RYR1: variants seen among roughly 807,000 people sequenced by gnomAD.
The protein encoded by RYR1 is ryanodine receptor 1, also known as central core disease of muscle.
In RYR1, 342 loss-of-function variants were observed where a neutral mutation model predicts 583.5. The observed-to-expected ratio is 0.59, with a 90% CI of 0.54 to 0.64. The LOEUF (loss-of-function observed/expected upper bound fraction) is 0.64, where lower values mean the gene tolerates loss of function less well. Ranked by LOEUF, RYR1 falls within the 30% of genes least tolerant of loss-of-function variation. The pLI is 0.00. For missense variants in RYR1, 6,032 were observed against 6,917.2 expected (o/e 0.87, Z 4.54); for synonymous variants, 2,791 against 2,822.5 (o/e 0.99, Z 0.35).
Position 38,485,657 on chromosome 19 carries a change from C to G in RYR1, c.5002C>G (p.Leu1668Val). 1 of 1,610,738 alleles carries G rather than the reference C, an allele frequency of 6.2e-7. No individual in the cohort carries two copies. The highest frequency in any genetic ancestry group is 8.5e-7 in the Non-Finnish European group (1 of 1,179,924). ...LQRFHSHTLR[L>V]YRAVCALGNN... Reference sequence around the variant, plus strand: ...GCGCTTCCACTCGCACACCCTGCGCCTCTACCGCGCTGTGTGCGCCCTGGG... The same window carrying G: ...GCGCTTCCACTCGCACACCCTGCGCGTCTACCGCGCTGTGTGCGCCCTGGG... Residue 1668 changes from leucine to valine, a missense_variant, in exon 34 of 106, where the codon CTC (leucine) becomes GTC (valine). Physicochemically the swap from Leu to Val is conservative, Grantham distance 32. Coordinates refer to ENST00000359596, the MANE Select transcript of RYR1 (RefSeq NM_000540.3).
chr19:38,471,030 C>G (rs1209083125), intron 27 of RYR1, among the ~76,000 whole-genome samples: 1 of 152,210 alleles, frequency 6.6e-6, no homozygotes, highest in East Asian at 1.9e-4. Context: ...GGACGAATCT[C>G]AGACATAATG....
Position 38,517,539 on chromosome 19 carries a change from C to A in RYR1, c.9866C>A (p.Pro3289His), listed in dbSNP as rs1971028195. Residue 3289 changes from proline to histidine, a missense_variant, in exon 66 of 106, where the codon CCC becomes CAC. By Grantham distance (77) the Pro-to-His change is moderately conservative. Coordinates refer to ENST00000359596, the MANE Select transcript of RYR1 (RefSeq NM_000540.3). ...CTGCCCCGATGGTGGGAGCGCGGGC[C>A]CGAGGCACCCCCTTCCGCCCTGCCC... The part of the protein sequence containing the change: ...SYLPRWWERG[P>H]EAPPSALPAG... The A allele has an allele frequency of 6.2e-7, 1 of 1,613,746 alleles. No individual in the cohort carries two copies. Among genetic ancestry groups the A allele is most frequent in the Non-Finnish European group, 8.5e-7 (1 of 1,179,880 alleles).
At chr19:38,537,695 G>A (rs1972033687) in intron 83 of RYR1, among the ~76,000 whole-genome samples, 185 bp from the exon 84 acceptor site, 1 of 152,120 alleles carries the variant, frequency 6.6e-6, no homozygotes, top group Non-Finnish European at 1.5e-5. Context: ...TGGGCTCTGA[G>A]GTCAAGACCG....
intron 81 of RYR1, chr19:38,535,685 C>G (rs942678318): frequency 1.7e-6 from 1 of 591,636 alleles, no homozygotes; most frequent in Non-Finnish European, 3.0e-6. Context: ...CTGATGATCC[C>G]AATTAATCTG....
Position 38,500,999 on chromosome 19 carries a change from C to A in RYR1, c.7614+9C>A. The A allele has an allele frequency of 1.9e-6, 3 of 1,612,196 alleles. No homozygotes were observed. The highest frequency in any genetic ancestry group is 2.5e-6 in the Non-Finnish European group (3 of 1,179,546). ...CCGCCTCGCTGGACACGGTGAGCAA[C>A]CCTGCCCAGCCTGGCCACCCTCCCC... On this transcript the variant is annotated intron_variant, in intron 47 of 105. Transcript: ENST00000359596. This position sits in a 1 kb window ranked among gnomAD's most constrained non-coding sequence, Gnocchi z 5.9.
At chr19:38,511,294 T>TA (rs970932482) in intron 60 of RYR1, among the ~76,000 whole-genome samples, 2 of 151,638 alleles carry the variant, frequency 1.3e-5, no homozygotes, top group African/African-American at 4.8e-5. Flanking sequence ...AGACCCTGTC[T>TA]AAAAAAAATA....
At chr19:38,435,195 C>G (rs1262268383) in intron 1 of RYR1, among the ~76,000 whole-genome samples, 1 of 152,208 alleles carries the variant, frequency 6.6e-6, no homozygotes, top group East Asian at 1.9e-4. Flanking sequence ...ATCTTTATCT[C>G]CCTGACAGAT....
At chr19:38,502,770 GGGGCAGGGGCAGGGGCAGGGGCAGGGGC>G in intron 48 of RYR1, 43 bp downstream of exon 48, 2 of 1,032,988 alleles carry the variant, frequency 1.9e-6, no homozygotes, top group Non-Finnish European at 2.7e-6. Context: ...GGCAGGGGCA[GGGGCAGGGGCAGGGGCAGGGGCAGGGGC>G]AGGGGCAGGG....
chr19:38,520,491 T>C (rs1005083815), intron 67 of RYR1, among the ~76,000 whole-genome samples: 83 of 151,652 alleles, frequency 5.5e-4, no homozygotes, highest in Non-Finnish European at 1.2e-4. Flanking sequence ...GGTCAGGTGT[T>C]TGAGACCAGC....
intron 90 of RYR1, among the ~76,000 whole-genome samples, chr19:38,563,210 G>C (rs769507219): frequency 2.0e-5 from 3 of 152,184 alleles, no homozygotes; most frequent in African/African-American, 7.2e-5. Flanking sequence ...AGGCATCCAC[G>C]TATGCCCATG....
intron 93 of RYR1, among the ~76,000 whole-genome samples, chr19:38,569,552 C>CAA (rs148980907): frequency 2.5e-4 from 35 of 140,030 alleles, no homozygotes; most frequent in African/African-American, 6.3e-4. Context: ...GACCTTGACT[C>CAA]AAAAAAAAAA....
At chr19:38,479,600 A>G (rs1463300888) in intron 31 of RYR1, among the ~76,000 whole-genome samples, 1 of 151,930 alleles carries the variant, frequency 6.6e-6, no homozygotes, top group Non-Finnish European at 1.5e-5. Context: ...GTTTGTAGAG[A>G]TGGGTTTTCC....
At chr19:38,509,446 TA>T (rs779914439) in intron 58 of RYR1, among the ~76,000 whole-genome samples, 195 of 128,262 alleles carry the variant, frequency 1.5e-3, no homozygotes, top group Non-Finnish European at 2.2e-3. Context: ...TTATTATTAT[TA>T]TTATTTTTTT....
At chr19:38,545,301 T>C (rs985259341) in intron 87 of RYR1, among the ~76,000 whole-genome samples, 5 of 152,134 alleles carry the variant, frequency 3.3e-5, no homozygotes, top group Non-Finnish European at 7.4e-5. Flanking sequence ...GACTGAATCA[T>C]GGGTAGGCAC....
intron 88 of RYR1, 45 bp from the exon 89 acceptor site, chr19:38,548,188 A>C: frequency 6.2e-7 from 1 of 1,611,350 alleles, no homozygotes; most frequent in Non-Finnish European, 8.5e-7. Flanking sequence ...GTGGGGCCCC[A>C]GAAGGGAGTG....
chr19:38,458,897 G>T (rs1967576281), intron 18 of RYR1, among the ~76,000 whole-genome samples: 1 of 152,202 alleles, frequency 6.6e-6, no homozygotes, highest in South Asian at 2.1e-4. Flanking sequence ...GGGATTACAG[G>T]TGTGAGCCAC....
chr19:38,444,608 C>T lies in RYR1; in HGVS notation c.562C>T (p.Leu188Phe). Residue 188 changes from leucine to phenylalanine, a missense_variant, in exon 7 of 106, where the codon CTC becomes TTC. By Grantham distance (22) the Leu-to-Phe change is conservative. Coordinates refer to ENST00000359596, the MANE Select transcript of RYR1 (RefSeq NM_000540.3). The surrounding 1 kb of genome is among the most constrained non-coding windows in gnomAD (Gnocchi z 5.1). ...YLHLSTASGE[L>F]QVDASFMQTL... ...GCACCTGTCGACCGCCAGTGGGGAG[C>T]TCCAGGTTGACGCTTCCTTCATGCA... 6.2e-7 allele frequency: 1 copy of T among 1,614,006 alleles called. No individual in the cohort carries two copies. The highest frequency in any genetic ancestry group is 8.5e-7 in the Non-Finnish European group (1 of 1,179,958).
chr19:38,477,899 G>C, intron 30 of RYR1, 29 bp downstream of exon 30: 1 of 1,389,566 alleles, frequency 7.2e-7, no homozygotes, highest in Non-Finnish European at 1.0e-6. Flanking sequence ...GGTGGGAGGT[G>C]CAGGGTGGGG....
chr19:38,436,891 G>T (rs2145303386), intron 1 of RYR1, among the ~76,000 whole-genome samples: 1 of 151,998 alleles, frequency 6.6e-6, no homozygotes, highest in Non-Finnish European at 1.5e-5. Flanking sequence ...CCCAGGCTGG[G>T]GTTTCTCAAA....
Sources: allele counts gnomAD v4.1 joint callset (sites outside exome capture counted in the v4.1 genomes callset), GRCh38; gene constraint gnomAD v4.1.1; non-coding constraint Gnocchi (gnomAD v3.1); transcripts MANE v1.5; gene names NCBI Gene and HGNC (gene_info 2026-07-23, HGNC 2026-07-21).